The following OSBPL7 variants were observed in gnomAD, a reference collection of about 807,000 sequenced individuals.
OSBPL7 encodes the protein oxysterol binding protein like 7, also known as oxysterol-binding protein-related protein 7.
A neutral mutation model predicts 115.8 loss-of-function variants in OSBPL7; 66 were observed. The ratio of observed to expected loss-of-function variants is 0.57; its 90% confidence interval spans 0.47 to 0.70. The LOEUF is 0.70. Among genes scored for constraint, OSBPL7 ranks in the 30% least tolerant of loss-of-function variants. The probability of loss-of-function intolerance (pLI) is 0.00; values close to 1 mark genes in which losing one functional copy is unlikely to be tolerated. For synonymous variants in OSBPL7, 441 were observed against 439.2 expected, an observed-to-expected ratio of 1.00 and a Z score of -0.05; for missense variants, 902 against 1,125.5, an observed-to-expected ratio of 0.80 and a Z score of 2.84.
chr17:47,815,127 G>A (rs1160905714), intron 13 of OSBPL7, 88 bp downstream of exon 13: 1 of 1,503,272 alleles, frequency 6.7e-7, no homozygotes, highest in African/African-American at 1.4e-5. Context: ...AGAAGGGGCT[G>A]AGGAATCTAT....
intron 7 of OSBPL7, among the ~76,000 whole-genome samples, chr17:47,817,988 G>T (rs547798642): frequency 6.6e-6 from 1 of 152,128 alleles, no homozygotes; most frequent in African/African-American, 2.4e-5. Context: ...CTTCCCTGGC[G>T]CTACTCCTCA....
At chr17:47,817,551 G>A (rs1267247407) in intron 7 of OSBPL7, among the ~76,000 whole-genome samples, 192 bp from the exon 8 acceptor site, 2 of 152,060 alleles carry the variant, frequency 1.3e-5, no homozygotes, top group African/African-American at 4.8e-5. Flanking sequence ...CACCATGCCT[G>A]GCTAATTTGT....
chr17:47,808,756 C>A lies in OSBPL7; in HGVS notation c.2298-96G>T. The A allele has an allele frequency of 6.2e-7, 1 of 1,601,778 alleles. No individual in the cohort carries two copies. Among genetic ancestry groups the A allele is most frequent in the Non-Finnish European group, 8.5e-7 (1 of 1,172,416 alleles). On this transcript the variant is annotated intron_variant, in intron 21 of 22. Transcript: ENST00000007414. The surrounding 1 kb of genome is among the most constrained non-coding windows in gnomAD (Gnocchi z 6.1). The stretch of plus-strand genomic sequence containing the variant: ...TGCCCAACTCTGTCCTCTAGACAAG[C>A]CCCACTTCTCTGAGGCCACTCAGTG...
Position 47,820,013 on chromosome 17 carries a change from G to C in OSBPL7, c.159C>G (p.His53Gln). The C allele has an allele frequency of 2.5e-6, 4 of 1,611,460 alleles. No individual in the cohort carries two copies. The highest frequency in any genetic ancestry group is 3.4e-6 in the Non-Finnish European group (4 of 1,179,854). The change falls in exon 3 of 23, where the codon CAC (histidine) becomes CAG (glutamine). Residue 53 changes from histidine to glutamine, a missense_variant. By Grantham distance (24) the His-to-Gln change is conservative. This residue lies in a region of OSBPL7 where 667 missense variants were observed against 788.7 expected (regional missense o/e 0.85). Coordinates refer to ENST00000007414, the MANE Select transcript of OSBPL7 (RefSeq NM_145798.3). ...GAGGCCACTTCCTCTTCTTGAGCAG[G>C]TGACCTTCCTGCCTCTCAGGCATGA... ...EGVMPERQEG[H>Q]LLKKRKWPLK... is the part of the protein sequence containing the mutation.
Position 47,816,627 on chromosome 17 carries a change from G to C in OSBPL7, c.864C>G (p.Thr288=). The change falls in exon 10 of 23, where the codon ACC becomes ACG. Residue 288 remains threonine, a synonymous_variant. Coordinates refer to ENST00000007414, the MANE Select transcript of OSBPL7 (RefSeq NM_145798.3). The surrounding 1 kb of genome is among the most constrained non-coding windows in gnomAD (Gnocchi z 5.8). ...RYLESRDSSG[T]RGLPPTDYAH... Reference sequence around the variant, plus strand: ...CATAGTCTGTGGGTGGCAGCCCACGGGTGCCCGAGGAGTCCCGAGACTCCA... The same window carrying C: ...CATAGTCTGTGGGTGGCAGCCCACGCGTGCCCGAGGAGTCCCGAGACTCCA... The C allele has an allele frequency of 6.2e-7, 1 of 1,613,974 alleles. No individual in the cohort carries two copies. The highest frequency in any genetic ancestry group is 8.5e-7 in the Non-Finnish European group (1 of 1,180,002).
intron 1 of OSBPL7, chr17:47,820,595 C>A: frequency 3.3e-6 from 1 of 306,402 alleles, no homozygotes; most frequent in South Asian, 4.4e-5. Flanking sequence ...CAGGGAAAAC[C>A]ACAAGACATA....
intron 14 of OSBPL7, among the ~76,000 whole-genome samples, chr17:47,814,264 C>T (rs1266666599): frequency 6.6e-6 from 1 of 152,200 alleles, no homozygotes; most frequent in Non-Finnish European, 1.5e-5. Flanking sequence ...GATCTCTTGC[C>T]TCCCTCCAAG....
intron 3 of OSBPL7, 47 bp downstream of exon 3, chr17:47,819,920 TTCCC>T: frequency 6.2e-6 from 4 of 642,046 alleles, no homozygotes; most frequent in South Asian, 1.6e-5. Context: ...CTGCCCCCCA[TTCCC>T]ACCCCGCCCC....
At chr17:47,809,548 C>A in intron 18 of OSBPL7, 70 bp from the exon 19 acceptor site, 1 of 1,553,196 alleles carries the variant, frequency 6.4e-7, no homozygotes, top group Non-Finnish European at 8.8e-7. Context: ...GGCCTCCTGT[C>A]TTGCTGAAGC....
At chr17:47,820,179 C>T (rs201807054) in intron 2 of OSBPL7, 25 bp downstream of exon 2, 2 of 1,613,864 alleles carry the variant, frequency 1.2e-6, no homozygotes, top group African/African-American at 2.7e-5. Flanking sequence ...TTGGCCCACC[C>T]ACCACCGCTT....
At chr17:47,809,561 G>T (rs2032971533) in intron 18 of OSBPL7, 83 bp from the exon 19 acceptor site, 3 of 1,514,606 alleles carry the variant, frequency 2.0e-6, no homozygotes, top group Non-Finnish European at 2.7e-6. Context: ...GCTGAAGCAG[G>T]TCATGTGGGC....
At chr17:47,814,493 C>T in intron 14 of OSBPL7, 28 bp downstream of exon 14, 2 of 1,469,118 alleles carry the variant, frequency 1.4e-6, no homozygotes, top group Non-Finnish European at 1.9e-6. Flanking sequence ...GCCTCCCACC[C>T]CTCCCTGCCT....
intron 16 of OSBPL7, among the ~76,000 whole-genome samples, chr17:47,812,574 TC>T (rs1220620693): frequency 6.6e-6 from 1 of 152,156 alleles, no homozygotes. Flanking sequence ...GACTTCTCCC[TC>T]TCAACAAAAG....
chr17:47,811,102 C>A (rs1411927968), intron 16 of OSBPL7, among the ~76,000 whole-genome samples: 1 of 152,116 alleles, frequency 6.6e-6, no homozygotes, highest in African/African-American at 2.4e-5. Flanking sequence ...CCTGCTCAAG[C>A]CTGAAAAGTT....
Position 47,809,412 on chromosome 17 carries a change from G to A in OSBPL7, c.1947C>T (p.Arg649=). Residue 649 remains arginine (R), a synonymous_variant, in exon 19 of 23, where the codon CGC becomes CGT. Coordinates refer to ENST00000007414, the MANE Select transcript of OSBPL7 (RefSeq NM_145798.3). The part of the protein sequence containing the change: ...SCIHNVLSGQ[R]WIEHYGEVLI... ...GCACCTCCCCATAGTGCTCGATCCA[G>A]CGCTGACCACTCAGGACATTGTGAA... 1 of 1,614,182 alleles carries A rather than the reference G, an allele frequency of 6.2e-7. No homozygotes were observed. The highest frequency in any genetic ancestry group is 1.6e-4 in the Middle Eastern group (1 of 6,062).
chr17:47,813,706 C>T lies in OSBPL7; in HGVS notation c.1480G>A (p.Val494Met). ...TCGTTGAGCTGCACAGGCATTGACA[C>T]CTTGGACAGGTCTTTGCCGATGTTG... ...RNNIGKDLSK[V>M]SMPVQLNEPL... is the part of the protein sequence containing the mutation. Residue 494 changes from valine to methionine, a missense_variant, in exon 15 of 23, where the codon GTG becomes ATG. Around this residue, in one of 3 missense-constraint regions of OSBPL7, gnomAD observed 667 missense variants for 788.7 expected, o/e 0.85. Coordinates refer to ENST00000007414, the MANE Select transcript of OSBPL7 (RefSeq NM_145798.3). 1 of 1,613,476 alleles carries T rather than the reference C, an allele frequency of 6.2e-7. No individual in the cohort carries two copies. Among genetic ancestry groups the T allele is most frequent in the Non-Finnish European group, 8.5e-7 (1 of 1,180,016 alleles).
At chr17:47,814,685 G>A in intron 13 of OSBPL7, 71 bp from the exon 14 acceptor site, 1 of 1,368,032 alleles carries the variant, frequency 7.3e-7, no homozygotes, top group Non-Finnish European at 1.0e-6. Context: ...CCCAGGGCCT[G>A]GCAAGAATCT....
Position 47,808,239 on chromosome 17 carries a change from G to T in OSBPL7, c.*52C>A. Reference sequence around the variant, plus strand: ...CCTCACCCATGTGTCCATGGTAGGGGGTGGAGGCAGGAGGAGTGAGGAACC... The same window carrying T: ...CCTCACCCATGTGTCCATGGTAGGGTGTGGAGGCAGGAGGAGTGAGGAACC... On this transcript the variant is annotated 3_prime_UTR_variant, in exon 23 of 23. Coordinates refer to ENST00000007414, the MANE Select transcript of OSBPL7 (RefSeq NM_145798.3). This position sits in a 1 kb window ranked among gnomAD's most constrained non-coding sequence, Gnocchi z 6.1. The T allele has an allele frequency of 7.2e-7, 1 of 1,383,890 alleles. No homozygotes were observed. The highest frequency in any genetic ancestry group is 1.0e-6 in the Non-Finnish European group (1 of 978,556). 85.7% of individuals were successfully genotyped at this position (1,383,890 alleles called of 1,614,324 possible).
At position 47,816,893 on chromosome 17, in the gene OSBPL7, C is replaced by G. The variant is rs778748482; in HGVS notation, c.703-21G>C. 1.2e-6 allele frequency: 2 copies of G among 1,610,678 alleles called. No homozygotes were observed. Among genetic ancestry groups the G allele is most frequent in the Non-Finnish European group, 1.7e-6 (2 of 1,177,256 alleles). On this transcript the variant is annotated intron_variant, in intron 8 of 22. Coordinates refer to ENST00000007414, the MANE Select transcript of OSBPL7 (RefSeq NM_145798.3). The surrounding 1 kb of genome is among the most constrained non-coding windows in gnomAD (Gnocchi z 5.8). ...GAGGCCTGGCAAGTCAAGGTGGGGG[C>G]AATTTTACTCACAGGGTGGGGAAAA...
Sources: gnomAD v4.1 joint callset for allele counts (sites outside exome capture counted in the v4.1 genomes callset) on GRCh38, gnomAD v4.1.1 for gene constraint, gnomAD v4.1.1 regional missense constraint, Gnocchi (gnomAD v3.1) non-coding constraint, MANE v1.5 for transcripts, NCBI Gene and HGNC (gene_info 2026-07-23, HGNC 2026-07-21) for gene names.